The following AGBL1 variants were observed in gnomAD, a reference collection of about 807,000 sequenced individuals.
AGBL1 encodes the protein cytosolic carboxypeptidase 4.
Under a neutral mutation model 118.9 loss-of-function variants are expected in AGBL1, and 130 were observed. That is an observed-to-expected ratio of 1.09 (90% confidence interval 0.95 to 1.26). The LOEUF is 1.26. Among genes scored for constraint, AGBL1 ranks in the 50% most tolerant of loss-of-function variants. AGBL1 has a pLI of 0.00. For missense variants in AGBL1, 1,584 were observed against 1,298.1 expected (o/e 1.22, Z -3.38); for synonymous variants, 555 against 478.9 (o/e 1.16, Z -2.08).
chr15:86,729,723 C>A (rs1438532424), intron 22 of AGBL1, among the ~76,000 whole-genome samples: 1 of 152,134 alleles, frequency 6.6e-6, no homozygotes, highest in Non-Finnish European at 1.5e-5. Flanking sequence ...GTGAACAGTG[C>A]TGCAATGAAC....
chr15:86,289,027 C>A (rs2141752129), intron 16 of AGBL1, among the ~76,000 whole-genome samples: 1 of 152,104 alleles, frequency 6.6e-6, no homozygotes, highest in South Asian at 2.1e-4. Flanking sequence ...TTTGCTTATG[C>A]TTTTAGTTTC....
rs182230940 is a variant in AGBL1, at chr15:86,549,001, A to C, written c.2817+2868A>C. On this transcript the variant is annotated intron_variant, in intron 20 of 22. Transcript: ENST00000614907. ...CAGGGGGAGGTGTCACACACTTTTA[A>C]ACTACTAGATCTCATGAGAATTCAC... is the stretch of plus-strand genomic sequence containing the variant. Among the ~76,000 whole-genome samples, 53 of 152,016 alleles carry C rather than the reference A, an allele frequency of 3.5e-4. 1 individual carries two copies. Among genetic ancestry groups the C allele is most frequent in the African/African-American group, 1.3e-3 (52 of 41,450 alleles).
At chr15:86,829,059 A>G (rs1311179809) in intron 22 of AGBL1, among the ~76,000 whole-genome samples, 1 of 151,628 alleles carries the variant, frequency 6.6e-6, no homozygotes, top group Non-Finnish European at 1.5e-5. Flanking sequence ...AGGAAATGGC[A>G]AATATTATTG....
chr15:86,174,337 G>GT (rs1433204972), intron 5 of AGBL1, among the ~76,000 whole-genome samples: 1 of 152,016 alleles, frequency 6.6e-6, no homozygotes, highest in East Asian at 1.9e-4. Context: ...AGTTCTAAGA[G>GT]TTTTTTTGGT....
At chr15:86,273,009 G>C (rs1008373197) in intron 15 of AGBL1, among the ~76,000 whole-genome samples, 1 of 152,196 alleles carries the variant, frequency 6.6e-6, no homozygotes, top group Non-Finnish European at 1.5e-5. Context: ...TTGGACCTTG[G>C]TGTGTCAAGA....
chr15:86,810,153 G>A (rs1331126079), intron 22 of AGBL1, among the ~76,000 whole-genome samples: 1 of 152,118 alleles, frequency 6.6e-6, no homozygotes, highest in Non-Finnish European at 1.5e-5. Context: ...AACCACATCA[G>A]TCTTCCTTTC....
At chr15:86,850,464 C>A (rs1396703569) in intron 22 of AGBL1, among the ~76,000 whole-genome samples, 1 of 152,166 alleles carries the variant, frequency 6.6e-6, no homozygotes, top group African/African-American at 2.4e-5. Flanking sequence ...GCCAAAGAAC[C>A]AAGTACCCAA....
At chr15:86,083,231 T>C (rs1895409605) in intron 1 of AGBL1, 1 of 152,102 alleles carries the variant, frequency 6.6e-6, no homozygotes, top group Non-Finnish European at 1.5e-5. Context: ...CCTGCTCTCG[T>C]CTCTCCATGT....
intron 24 of AGBL1, among the ~76,000 whole-genome samples, chr15:87,003,530 TG>T (rs2081463843): frequency 6.6e-6 from 1 of 152,188 alleles, no homozygotes; most frequent in Non-Finnish European, 1.5e-5. Context: ...TTCTATTAAT[TG>T]GAATAGTTTC....
At chr15:86,124,943 G>A (rs749723328) in intron 1 of AGBL1, among the ~76,000 whole-genome samples, 7 of 152,250 alleles carry the variant, frequency 4.6e-5, no homozygotes, top group Non-Finnish European at 8.8e-5. Context: ...TTTATTTTGG[G>A]GAGGAATTAA....
intron 17 of AGBL1, among the ~76,000 whole-genome samples, chr15:86,385,521 G>A (rs143733389): frequency 8.8e-4 from 134 of 152,306 alleles, no homozygotes; most frequent in African/African-American, 3.0e-3. Flanking sequence ...TCTAGTAGAG[G>A]AAAATTTCTG....
chr15:86,082,591 C>T (rs930340431), intron 1 of AGBL1, among the ~76,000 whole-genome samples: 3 of 152,238 alleles, frequency 2.0e-5, no homozygotes, highest in African/African-American at 7.2e-5. Context: ...TTAAGCATAT[C>T]ACCATTTCTG....
chr15:86,661,366 A>T (rs1202331962), intron 21 of AGBL1, among the ~76,000 whole-genome samples: 3 of 152,078 alleles, frequency 2.0e-5, no homozygotes. Flanking sequence ...TCAAGAATTC[A>T]GACCATGCTT....
chr15:86,189,249 T>G (rs147955418), intron 5 of AGBL1, among the ~76,000 whole-genome samples: 1 of 152,336 alleles, frequency 6.6e-6, no homozygotes, highest in South Asian at 2.1e-4. Flanking sequence ...GGAGAACTTA[T>G]GCACACATTT....
chr15:86,225,073 C>G, intron 6 of AGBL1, 122 bp downstream of exon 6: 1 of 986,882 alleles, frequency 1.0e-6, no homozygotes, highest in Non-Finnish European at 1.5e-6. Context: ...TCTCAATCAC[C>G]TATGGCTAAT....
intron 22 of AGBL1, among the ~76,000 whole-genome samples, chr15:86,875,698 G>T (rs750140023): frequency 6.6e-6 from 1 of 152,150 alleles, no homozygotes; most frequent in South Asian, 2.1e-4. Flanking sequence ...ATGTTCAAAG[G>T]CTGGATTAAA....
chr15:86,441,583 C>T lies in AGBL1; in HGVS notation c.2555+44037C>T, dbSNP rs551425249. ...AGGTATCCGTAAAGGCAGACCCATG[C>T]CAAGGCCTTACCATTATTCCTAAAA... On this transcript the variant is annotated intron_variant, in intron 18 of 22. Transcript: ENST00000614907. Among the ~76,000 whole-genome samples the T allele has an allele frequency of 3.9e-5, 6 of 152,290 alleles. No homozygotes were observed. In the East Asian group the frequency reaches 7.7e-4, roughly 20 times the overall value.
chr15:86,364,476 C>T (rs2080849660), intron 17 of AGBL1, among the ~76,000 whole-genome samples: 1 of 152,224 alleles, frequency 6.6e-6, no homozygotes, highest in Admixed American at 6.5e-5. Context: ...CTACTCGTAC[C>T]ACATGAAGCT....
intron 21 of AGBL1, among the ~76,000 whole-genome samples, chr15:86,606,196 T>C (rs977430888): frequency 1.3e-5 from 2 of 150,960 alleles, no homozygotes; most frequent in African/African-American, 2.4e-5. Flanking sequence ...ATTGAATTAA[T>C]CGGCTTCTAT....
Sources: gnomAD v4.1 joint callset for allele counts (sites outside exome capture counted in the v4.1 genomes callset) on GRCh38, gnomAD v4.1.1 for gene constraint, MANE v1.5 for transcripts, NCBI Gene and HGNC (gene_info 2026-07-23, HGNC 2026-07-21) for gene names.